The following USP37 variants were observed in gnomAD, a reference collection of about 807,000 sequenced individuals.
USP37 encodes the protein ubiquitin carboxyl-terminal hydrolase 37.
A neutral mutation model predicts 124.0 loss-of-function variants in USP37; 27 were observed. That is an observed-to-expected ratio of 0.22 (90% confidence interval 0.16 to 0.30). The LOEUF is 0.30. USP37 is among the 10% of genes least tolerant of loss of function. USP37 has a pLI of 1.00. For missense variants in USP37, 889 were observed against 1,140.4 expected, an observed-to-expected ratio of 0.78 and a Z score of 3.17; for synonymous variants, 365 against 388.0, an observed-to-expected ratio of 0.94 and a Z score of 0.70.
At chr2:218,487,421 CA>C (rs1691636138) in intron 15 of USP37, among the ~76,000 whole-genome samples, 1 of 152,036 alleles carries the variant, frequency 6.6e-6, no homozygotes, top group African/African-American at 2.4e-5. Context: ...TTACAAATAA[CA>C]AACTACTTTT....
At chr2:218,489,340 A>G (rs1447220316) in intron 14 of USP37, among the ~76,000 whole-genome samples, 3 of 144,400 alleles carry the variant, frequency 2.1e-5, no homozygotes, top group Middle Eastern at 3.7e-3. Flanking sequence ...CCTGGGCGAC[A>G]GAGAGAGACT....
intron 8 of USP37, among the ~76,000 whole-genome samples, chr2:218,539,737 C>T (rs933554221): frequency 6.6e-6 from 1 of 151,962 alleles, no homozygotes; most frequent in East Asian, 1.9e-4. Flanking sequence ...CCTGGCCGGG[C>T]GCAGTGGCTC....
In USP37 at chr2:218,485,650, A is replaced by G; in HGVS notation, c.1670+14T>C. 1 of 1,569,742 alleles carries G rather than the reference A, an allele frequency of 6.4e-7. No individual in the cohort carries two copies. Among genetic ancestry groups the G allele is most frequent in the East Asian group, 2.2e-5 (1 of 44,550 alleles). On this transcript the variant is annotated intron_variant, in intron 16 of 25. Transcript: ENST00000258399. ...TAGTCCATAGCAAAAAAAAAAAAAA[A>G]AAAAAAAAATTACCTAGGAAGCCTG...
intron 20 of USP37, among the ~76,000 whole-genome samples, chr2:218,469,220 T>C (rs1690537466): frequency 6.6e-6 from 1 of 152,212 alleles, no homozygotes. Context: ...AAAACAATTA[T>C]CCTAGAGATG....
intron 9 of USP37, among the ~76,000 whole-genome samples, chr2:218,532,898 C>T (rs1691412639): frequency 6.6e-6 from 1 of 151,344 alleles, no homozygotes; most frequent in Admixed American, 6.6e-5. Context: ...CACTGAACTC[C>T]AGCCAGGGCG....
At chr2:218,557,483 A>C (rs1693058327) in intron 4 of USP37, among the ~76,000 whole-genome samples, 1 of 151,830 alleles carries the variant, frequency 6.6e-6, no homozygotes, top group African/African-American at 2.4e-5. Flanking sequence ...CCTTTGATAC[A>C]CGAAATCATA....
intron 22 of USP37, among the ~76,000 whole-genome samples, chr2:218,462,752 A>T (rs890863163): frequency 6.6e-6 from 1 of 152,170 alleles, no homozygotes; most frequent in Non-Finnish European, 1.5e-5. Context: ...GACAAAAATT[A>T]TTTTGAAAAA....
At chr2:218,552,899 T>C (rs1039412437) in intron 5 of USP37, among the ~76,000 whole-genome samples, 2 of 151,894 alleles carry the variant, frequency 1.3e-5, no homozygotes, top group African/African-American at 4.8e-5. Flanking sequence ...GCCTAGGTGT[T>C]AGAGCAAGAC....
At chr2:218,548,529 A>G (rs997177896) in intron 6 of USP37, among the ~76,000 whole-genome samples, 1 of 151,646 alleles carries the variant, frequency 6.6e-6, no homozygotes, top group African/African-American at 2.4e-5. Flanking sequence ...TTTTTTGTAG[A>G]GACAGGGTTT....
intron 10 of USP37, among the ~76,000 whole-genome samples, chr2:218,522,017 A>C (rs1389331131): frequency 6.7e-6 from 1 of 149,972 alleles, no homozygotes; most frequent in East Asian, 2.0e-4. Context: ...TGGGGCTACA[A>C]GTCCATGCCA....
chr2:218,475,550 C>T (rs545794750), intron 19 of USP37, among the ~76,000 whole-genome samples: 1 of 152,278 alleles, frequency 6.6e-6, no homozygotes, highest in South Asian at 2.1e-4. Flanking sequence ...GCCTGGCCAA[C>T]ATGGATAAAC....
chr2:218,500,093 T>C (rs1169268379), intron 11 of USP37, among the ~76,000 whole-genome samples: 4 of 151,252 alleles, frequency 2.6e-5, no homozygotes, highest in South Asian at 2.1e-4. Context: ...TTTCTTTTTT[T>C]AGACAGAGTC....
Position 218,534,693 on chromosome 2 carries a change from T to C in USP37, c.694A>G (p.Met232Val), listed in dbSNP as rs1278806772. ...ENDSSSNNKAMTDPSRKYLTS... is the reference protein window; with the variant it reads ...ENDSSSNNKAVTDPSRKYLTS... ...AAATACTTTCTGGAGGGATCTGTCA[T>C]GGCCTTGTTGTTCCTATAGTTAATA... is the stretch of plus-strand genomic sequence containing the variant. The change falls in exon 9 of 26, where the codon ATG becomes GTG. Residue 232 changes from methionine to valine, a missense_variant. Physicochemically the swap from Met to Val is conservative, Grantham distance 21. Transcript: ENST00000258399. 1 of 1,602,564 alleles carries C rather than the reference T, an allele frequency of 6.2e-7. No homozygotes were observed. The highest frequency in any genetic ancestry group is 8.5e-7 in the Non-Finnish European group (1 of 1,175,084).
At chr2:218,531,666 A>T (rs1691334868) in intron 9 of USP37, among the ~76,000 whole-genome samples, 1 of 152,244 alleles carries the variant, frequency 6.6e-6, no homozygotes, top group Admixed American at 6.5e-5. Flanking sequence ...ATCTTCTGGA[A>T]AGAATTTATC....
intron 1 of USP37, among the ~76,000 whole-genome samples, chr2:218,564,688 A>G (rs966978734): frequency 6.6e-6 from 1 of 152,158 alleles, no homozygotes; most frequent in African/African-American, 2.4e-5. Flanking sequence ...GGGAGGTAAC[A>G]CACAGAACTT....
intron 16 of USP37, among the ~76,000 whole-genome samples, chr2:218,483,473 G>A (rs1691371096): frequency 6.6e-6 from 1 of 151,622 alleles, no homozygotes; most frequent in South Asian, 2.1e-4. Context: ...GATTTAAAGA[G>A]TGGCTTTGAA....
At chr2:218,512,844 A>C (rs1231309722) in intron 10 of USP37, among the ~76,000 whole-genome samples, 1 of 151,992 alleles carries the variant, frequency 6.6e-6, no homozygotes. Flanking sequence ...TAGCACATAC[A>C]TTTTCTTCTT....
intron 11 of USP37, among the ~76,000 whole-genome samples, chr2:218,499,154 G>A (rs1689229283): frequency 6.6e-6 from 1 of 152,048 alleles, no homozygotes; most frequent in South Asian, 2.1e-4. Context: ...TGCGCCTGTA[G>A]TCCCAGCTAC....
At chr2:218,458,199 G>A (rs978352263) in intron 23 of USP37, among the ~76,000 whole-genome samples, 2 of 140,914 alleles carry the variant, frequency 1.4e-5, no homozygotes, top group African/African-American at 2.6e-5. Context: ...GAAAATGCAT[G>A]AGCCAAGAGC....
Sources: gnomAD v4.1 joint callset for allele counts (sites outside exome capture counted in the v4.1 genomes callset) on GRCh38, gnomAD v4.1.1 for gene constraint, MANE v1.5 for transcripts, NCBI Gene and HGNC (gene_info 2026-07-23, HGNC 2026-07-21) for gene names.